Variants in VWA8 observed in about 807,000 individuals in gnomAD.
The protein encoded by VWA8 is von Willebrand factor A domain-containing protein 8.
Under a neutral mutation model 241.5 loss-of-function variants are expected in VWA8, and 221 were observed. The ratio of observed to expected loss-of-function variants is 0.91; its 90% CI spans 0.82 to 1.02. The LOEUF is 1.02. VWA8 is among the 50% of genes least tolerant of loss of function. VWA8 has a pLI of 0.00. For synonymous variants in VWA8, 852 were observed against 827.1 expected (o/e 1.03, Z -0.52); for missense variants, 2,322 against 2,328.7 (o/e 1.00, Z 0.06).
intron 37 of VWA8, among the ~76,000 whole-genome samples, chr13:41,657,676 AGACGG>A: frequency 6.6e-6 from 1 of 151,276 alleles, no homozygotes; most frequent in South Asian, 2.1e-4. Context: ...TTTTTAGTAG[AGACGG>A]GGTTTCACCT....
At chr13:41,953,857 T>C (rs1402130008) in intron 1 of VWA8, among the ~76,000 whole-genome samples, 2 of 90,054 alleles carry the variant, frequency 2.2e-5, no homozygotes, top group Non-Finnish European at 5.4e-5. Context: ...ATAAAGATTA[T>C]GTTTTCTTAC....
chr13:41,860,229 T>G (rs1872946454), intron 12 of VWA8, among the ~76,000 whole-genome samples: 1 of 152,186 alleles, frequency 6.6e-6, no homozygotes, highest in Admixed American at 6.5e-5. Flanking sequence ...AAATTTTCTC[T>G]AAAAATTAAT....
chr13:41,888,787 G>A lies in VWA8; in HGVS notation c.652-1426C>T, dbSNP rs181769235. ...ACCTCTAGTGTATAACAGGACAAAT[G>A]TCTGTTGACTGATTGCATGAACTAA... On this transcript the variant is annotated intron_variant, in intron 5 of 44. Transcript: ENST00000379310. Among the ~76,000 whole-genome samples, 78 of 152,260 alleles carry A rather than the reference G, an allele frequency of 5.1e-4. 1 individual carries two copies. Among genetic ancestry groups the A allele is most frequent in the African/African-American group, 1.9e-3 (77 of 41,548 alleles).
In VWA8 at chr13:41,852,261, A is replaced by G. The variant is rs533596114; in HGVS notation, c.1425+13475T>C. On this transcript the variant is annotated intron_variant, in intron 12 of 44. Coordinates refer to ENST00000379310, the MANE Select transcript of VWA8 (RefSeq NM_015058.2). ...ATTTTAAAATGCCTGAGAAATGTCT[A>G]TTCAGGTTCTTTGCCCATTTTAAAA... Among the ~76,000 whole-genome samples, 7 of 152,280 alleles carry G rather than the reference A, an allele frequency of 4.6e-5. No individual in the cohort carries two copies. The South Asian group carries it at 6.2e-4, about 14-fold the overall frequency.
At chr13:41,818,913 A>G (rs1870822893) in intron 15 of VWA8, among the ~76,000 whole-genome samples, 1 of 152,212 alleles carries the variant, frequency 6.6e-6, no homozygotes, top group South Asian at 2.1e-4. Context: ...TGTGGTTCCC[A>G]GACCAGCAGC....
intron 24 of VWA8, among the ~76,000 whole-genome samples, chr13:41,726,607 T>G (rs541967263): frequency 6.6e-6 from 1 of 152,138 alleles, no homozygotes; most frequent in Non-Finnish European, 1.5e-5. Context: ...CAACAAAGTA[T>G]AGTGTAATGG....
At chr13:41,912,992 C>T (rs1876083238) in intron 2 of VWA8, among the ~76,000 whole-genome samples, 1 of 152,026 alleles carries the variant, frequency 6.6e-6, no homozygotes, top group Non-Finnish European at 1.5e-5. Context: ...ATACTCAGAG[C>T]AGAACTGTCC....
Position 41,960,927 on chromosome 13 carries a change from A to G in VWA8, c.89T>C (p.Val30Ala). Residue 30 changes from valine (V) to alanine (A), a missense_variant, in exon 1 of 45, where the codon GTG becomes GCG. Val to Ala is a moderately conservative substitution (Grantham distance 64). Transcript: ENST00000379310. ...CCTGTCGCCACCCGGCCTGCGCTGC[A>G]CCACCTGCCGCAGGAGCAGCCGCAT... is the stretch of plus-strand genomic sequence containing the variant. Reference protein sequence around the residue: ...RRMRLLLRQVVQRRPGGDRQR... With the variant: ...RRMRLLLRQVAQRRPGGDRQR... The G allele has an allele frequency of 6.7e-7, 1 of 1,493,664 alleles. No homozygotes were observed. The highest frequency in any genetic ancestry group is 1.2e-5 in the South Asian group (1 of 80,100). The allele number at this position is 1,493,664 out of a possible 1,614,324, so 92.5% of individuals were successfully genotyped here.
intron 2 of VWA8, among the ~76,000 whole-genome samples, chr13:41,916,952 G>A (rs535164864): frequency 2.6e-5 from 4 of 152,212 alleles, no homozygotes; most frequent in South Asian, 2.1e-4. Context: ...ATAATAAACC[G>A]ATGTCAAAAT....
rs148535137 is a variant in VWA8, at chr13:41,577,011, G to A, written c.5272-1173C>T. 5.6e-4 allele frequency among the ~76,000 whole-genome samples: 86 copies of A among 152,334 alleles called. 1 individual carries two copies. The East Asian group carries it at 0.015, about 26-fold the overall frequency. On this transcript the variant is annotated intron_variant, in intron 42 of 44. Coordinates refer to ENST00000379310, the MANE Select transcript of VWA8 (RefSeq NM_015058.2). Reference sequence around the variant, plus strand: ...CTCTGCCCACCCTCTGAGCACCTTGGGGTGCTCACACAATTGGCCAGTCTG... The same window carrying A: ...CTCTGCCCACCCTCTGAGCACCTTGAGGTGCTCACACAATTGGCCAGTCTG...
intron 15 of VWA8, among the ~76,000 whole-genome samples, chr13:41,817,985 C>T (rs1215598724): frequency 3.3e-5 from 5 of 150,930 alleles, no homozygotes; most frequent in South Asian, 2.1e-4. Context: ...TTTTTCGAGA[C>T]GGAGTCTCAC....
intron 12 of VWA8, 128 bp from the exon 13 acceptor site, chr13:41,833,659 T>G (rs1381824820): frequency 2.8e-5 from 31 of 1,108,542 alleles, no homozygotes; most frequent in Non-Finnish European, 3.4e-5. Flanking sequence ...AACAGAGAAG[T>G]CATCTTCTCC....
At chr13:41,845,007 CAA>C (rs1180446361) in intron 12 of VWA8, among the ~76,000 whole-genome samples, 1 of 152,096 alleles carries the variant, frequency 6.6e-6, no homozygotes, top group East Asian at 1.9e-4. Flanking sequence ...CTATTCCTAT[CAA>C]ACTCTCAATG....
Position 41,656,138 on chromosome 13 carries a change from G to A in VWA8, c.4611+14808C>T, listed in dbSNP as rs561130978. On this transcript the variant is annotated intron_variant, in intron 37 of 44. Coordinates refer to ENST00000379310, the MANE Select transcript of VWA8 (RefSeq NM_015058.2). ...GACTGGAACACATGAACTTGTTTCC[G>A]ATATTGTGTCAGATTTTTCTCTTTC... 4.5e-4 allele frequency among the ~76,000 whole-genome samples: 69 copies of A among 152,274 alleles called. 1 individual carries two copies. Among genetic ancestry groups the A allele is most frequent in the East Asian group, 1.5e-3 (8 of 5,184 alleles).
intron 12 of VWA8, among the ~76,000 whole-genome samples, chr13:41,839,292 C>CT: frequency 6.6e-6 from 1 of 152,250 alleles, no homozygotes. Context: ...GCATAAATGT[C>CT]TTCTTTTGAA....
At chr13:41,694,097 TGAG>T (rs2045198626) in intron 29 of VWA8, among the ~76,000 whole-genome samples, 1 of 151,922 alleles carries the variant, frequency 6.6e-6, no homozygotes, top group African/African-American at 2.4e-5. Context: ...TAATATTTAT[TGAG>T]GAGCTTATAT....
At chr13:41,660,584 G>A (rs1224267366) in intron 37 of VWA8, among the ~76,000 whole-genome samples, 1 of 152,124 alleles carries the variant, frequency 6.6e-6, no homozygotes, top group Non-Finnish European at 1.5e-5. Flanking sequence ...TTCATCCTGG[G>A]GAAGGAAAGA....
At chr13:41,652,306 C>T (rs1170049266) in intron 37 of VWA8, among the ~76,000 whole-genome samples, 5 of 152,192 alleles carry the variant, frequency 3.3e-5, no homozygotes, top group Admixed American at 1.3e-4. Flanking sequence ...CATACAAACA[C>T]GGGCTTCTGA....
Position 41,692,921 on chromosome 13 carries a change from T to C in VWA8, c.3616A>G (p.Ile1206Val), listed in dbSNP as rs772241657. Residue 1206 changes from isoleucine to valine, a missense_variant, in exon 30 of 45, where the codon ATC (isoleucine) becomes GTC (valine). Physicochemically the swap from Ile to Val is conservative, Grantham distance 29. Coordinates refer to ENST00000379310, the MANE Select transcript of VWA8 (RefSeq NM_015058.2). ...DTTGRALHRL[I>V]LPSEKFTSKK... ...GATGTAAACTTCTCGGAAGGGAGGA[T>C]GAGACGATGAAGGGCCCGGCCAGTA... The C allele has an allele frequency of 1.2e-6, 2 of 1,611,710 alleles. No individual in the cohort carries two copies. Among genetic ancestry groups the C allele is most frequent in the East Asian group, 2.2e-5 (1 of 44,802 alleles).
Sources: allele counts gnomAD v4.1 joint callset (sites outside exome capture counted in the v4.1 genomes callset), GRCh38; gene constraint gnomAD v4.1.1; transcripts MANE v1.5; gene names NCBI Gene and HGNC (gene_info 2026-07-23, HGNC 2026-07-21).